Variants in TAX1BP3 observed in about 807,000 individuals in gnomAD.
TAX1BP3 encodes the protein Tax1 binding protein 3.
TAX1BP3 carries 13 observed loss-of-function variants against 15.3 expected under a neutral mutation model. That is an observed-to-expected ratio of 0.85 (90% confidence interval 0.55 to 1.35). The LOEUF (loss-of-function observed/expected upper bound fraction) is 1.35, where lower values mean the gene tolerates loss of function less well. Ranked by LOEUF, TAX1BP3 falls within the 40% of genes most tolerant of loss-of-function variation. The probability of loss-of-function intolerance (pLI) is 0.00; values close to 1 mark genes in which losing one functional copy is unlikely to be tolerated. For synonymous variants in TAX1BP3, 70 were observed against 66.0 expected, an observed-to-expected ratio of 1.06 and a Z score of -0.30; for missense variants, 147 against 169.6, an observed-to-expected ratio of 0.87 and a Z score of 0.74.
chr17:3,664,095 G>A, intron 3 of TAX1BP3, 100 bp downstream of exon 3: 3 of 1,527,404 alleles, frequency 2.0e-6, no homozygotes, highest in Middle Eastern at 1.7e-4. Flanking sequence ...TGGCTGCAGT[G>A]AGTCTCTCCC....
Position 3,668,481 on chromosome 17 carries a change from C to T in TAX1BP3, c.39+7G>A. On this transcript the variant is annotated splice_region_variant and intron_variant, in intron 1 of 3. Transcript: ENST00000225525. This position sits in a 1 kb window ranked among gnomAD's most constrained non-coding sequence, Gnocchi z 4.1. ...AGACGAGGAGGAGCCCGCGCAAGCGCACTCACCACCACGGCGGTGACCGGC... is the reference window on the plus strand; with the variant it reads ...AGACGAGGAGGAGCCCGCGCAAGCGTACTCACCACCACGGCGGTGACCGGC... 1.2e-6 allele frequency: 2 copies of T among 1,608,980 alleles called. 1 individual carries two copies. The highest frequency in any genetic ancestry group is 2.7e-5 in the African/African-American group (2 of 74,424).
chr17:3,667,744 G>A (rs1370488428), intron 1 of TAX1BP3, among the ~76,000 whole-genome samples: 1 of 152,160 alleles, frequency 6.6e-6, no homozygotes, highest in Non-Finnish European at 1.5e-5. Context: ...CTGTGACACC[G>A]GCGTCTGAGT....
At chr17:3,665,196 G>A (rs1192606138) in intron 1 of TAX1BP3, 44 of 1,061,354 alleles carry the variant, frequency 4.1e-5, no homozygotes, top group South Asian at 3.5e-4. Flanking sequence ...GGCCGGAACC[G>A]CCATCTTCCA....
rs1351677848 is a variant in TAX1BP3, at chr17:3,668,478, G to A, written c.39+10C>T. 1 of 1,608,530 alleles carries A rather than the reference G, an allele frequency of 6.2e-7. No individual in the cohort carries two copies. Among genetic ancestry groups the A allele is most frequent in the South Asian group, 1.1e-5 (1 of 90,282 alleles). On this transcript the variant is annotated intron_variant, in intron 1 of 3. Coordinates refer to ENST00000225525, the MANE Select transcript of TAX1BP3 (RefSeq NM_014604.4). The surrounding 1 kb of genome is among the most constrained non-coding windows in gnomAD (Gnocchi z 4.1). ...CCAAGACGAGGAGGAGCCCGCGCAA[G>A]CGCACTCACCACCACGGCGGTGACC... is the stretch of plus-strand genomic sequence containing the variant.
intron 1 of TAX1BP3, among the ~76,000 whole-genome samples, chr17:3,667,066 G>A (rs527783081): frequency 2.3e-4 from 35 of 152,252 alleles, no homozygotes; most frequent in Non-Finnish European, 3.2e-4. Context: ...AGGCTGGGCC[G>A]GGTGTGGTGC....
At chr17:3,667,232 A>G (rs2076350058) in intron 1 of TAX1BP3, among the ~76,000 whole-genome samples, 1 of 151,438 alleles carries the variant, frequency 6.6e-6, no homozygotes, top group Non-Finnish European at 1.5e-5. Context: ...AATCCCAGCT[A>G]CTCGGGAGGC....
chr17:3,664,524 G>T, intron 2 of TAX1BP3, 155 bp downstream of exon 2: 1 of 1,153,334 alleles, frequency 8.7e-7, no homozygotes, highest in Non-Finnish European at 1.3e-6. Context: ...CACCCCACCC[G>T]TCCTTATTCT....
At position 3,663,704 on chromosome 17, in the gene TAX1BP3, TGTACA is replaced by T; in HGVS notation, c.*39_*43del. 1 of 1,577,680 alleles carries T rather than the reference TGTACA, an allele frequency of 6.3e-7. No individual in the cohort carries two copies. The highest frequency in any genetic ancestry group is 8.6e-7 in the Non-Finnish European group (1 of 1,163,446). On this transcript the variant is annotated 3_prime_UTR_variant, in exon 4 of 4. Transcript: ENST00000225525. ...GGACAGAGTGTGGAAGTGGCGTTAC[TGTACA>T]GAGAGGCGGCAGGCAGGAGTCGCAG...
chr17:3,666,276 C>T (rs2976217), intron 1 of TAX1BP3, among the ~76,000 whole-genome samples: 135,828 of 152,276 alleles, frequency 0.89, 60,853 homozygotes, highest in African/African-American at 0.95. Context: ...TTCTCAGGAA[C>T]GGAGTAGGGT....
Position 3,663,810 on chromosome 17 carries a change from C to T in TAX1BP3, c.313G>A (p.Val105Met). The change falls in exon 4 of 4, where the codon GTG becomes ATG. Residue 105 changes from valine to methionine, a missense_variant. Physicochemically the swap from Val to Met is conservative, Grantham distance 21. Transcript: ENST00000225525. Reference protein sequence around the residue: ...KRLTKRSEEVVRLLVTRQSLQ... With the variant: ...KRLTKRSEEVMRLLVTRQSLQ... ...GACTGCCGCGTCACCAGCAGACGCA[C>T]CACCTCCTCCGAGCGCTTGGTGAGC... 1 of 1,609,222 alleles carries T rather than the reference C, an allele frequency of 6.2e-7. No homozygotes were observed. Among genetic ancestry groups the T allele is most frequent in the East Asian group, 2.2e-5 (1 of 44,874 alleles).
chr17:3,667,438 T>G (rs923361786), intron 1 of TAX1BP3, among the ~76,000 whole-genome samples: 1 of 151,544 alleles, frequency 6.6e-6, no homozygotes, highest in African/African-American at 2.4e-5. Context: ...GGCCCAGGCC[T>G]GAGCCAGTGC....
chr17:3,668,429 C>T lies in TAX1BP3; in HGVS notation c.39+59G>A, dbSNP rs2076365470. On this transcript the variant is annotated intron_variant, in intron 1 of 3. Coordinates refer to ENST00000225525, the MANE Select transcript of TAX1BP3 (RefSeq NM_014604.4). The surrounding 1 kb of genome is among the most constrained non-coding windows in gnomAD (Gnocchi z 4.1). ...GTCAACCTGCTTGGGGTGTCCGTTT[C>T]CCGCTCTGCGAGGTGGGGTCAGGCC... 1.3e-6 allele frequency: 2 copies of T among 1,586,688 alleles called. No homozygotes were observed. Among genetic ancestry groups the T allele is most frequent in the African/African-American group, 1.4e-5 (1 of 73,238 alleles).
At position 3,668,471 on chromosome 17, in the gene TAX1BP3, C is replaced by T. The variant is rs200757707; in HGVS notation, c.39+17G>A. On this transcript the variant is annotated intron_variant, in intron 1 of 3. Transcript: ENST00000225525. This position sits in a 1 kb window ranked among gnomAD's most constrained non-coding sequence, Gnocchi z 4.1. ...GGTCAGGCCAAGACGAGGAGGAGCC[C>T]GCGCAAGCGCACTCACCACCACGGC... 1 of 1,607,570 alleles carries T rather than the reference C, an allele frequency of 6.2e-7. No individual in the cohort carries two copies. Among genetic ancestry groups the T allele is most frequent in the South Asian group, 1.1e-5 (1 of 90,164 alleles).
chr17:3,667,340 CAAAAAAAAAAA>C (rs761986087), intron 1 of TAX1BP3, among the ~76,000 whole-genome samples: 3 of 61,164 alleles, frequency 4.9e-5, no homozygotes, highest in Non-Finnish European at 1.0e-4. Flanking sequence ...AAGACTGTCT[CAAAAAAAAAAA>C]AAAAAAAAAA....
At chr17:3,665,101 T>C in intron 1 of TAX1BP3, 1 of 706,528 alleles carries the variant, frequency 1.4e-6, no homozygotes, top group Non-Finnish European at 2.5e-6. Flanking sequence ...GTGGCTTCTG[T>C]AGGTGGGAAG....
chr17:3,664,347 G>T, intron 2 of TAX1BP3, 75 bp from the exon 3 acceptor site: 2 of 1,550,610 alleles, frequency 1.3e-6, no homozygotes, highest in Non-Finnish European at 1.8e-6. Flanking sequence ...AGCCAGCATG[G>T]CACATTCTCA....
At chr17:3,665,165 G>A in intron 1 of TAX1BP3, 1 of 858,964 alleles carries the variant, frequency 1.2e-6, no homozygotes, top group Non-Finnish European at 2.0e-6. Context: ...GCATAGAAAG[G>A]AGAGGAAGGG....
In TAX1BP3 at chr17:3,662,928, C is replaced by T. The variant is rs563211649; in HGVS notation, c.*820G>A. On this transcript the variant is annotated 3_prime_UTR_variant, in exon 4 of 4. Coordinates refer to ENST00000225525, the MANE Select transcript of TAX1BP3 (RefSeq NM_014604.4). ...AGCATTTTTATTGAGCGCACCACAT[C>T]GGGGAGGGGCGGCAGTGGTTTCCAC... 2.0e-5 allele frequency: 3 copies of T among 152,186 alleles called. No individual in the cohort carries two copies. The highest frequency in any genetic ancestry group is 1.9e-4 in the East Asian group (1 of 5,196). The allele number at this position is 152,186 out of a possible 1,614,324, so 9.4% of individuals were successfully genotyped here.
At position 3,664,190 on chromosome 17, in the gene TAX1BP3, G is replaced by T; in HGVS notation, c.237+5C>A. 1 of 1,614,126 alleles carries T rather than the reference G, an allele frequency of 6.2e-7. No individual in the cohort carries two copies. The highest frequency in any genetic ancestry group is 8.5e-7 in the Non-Finnish European group (1 of 1,180,034). On this transcript the variant is annotated splice_donor_5th_base_variant and intron_variant, in intron 3 of 3. Transcript: ENST00000225525. ...TTGTTTCTCCTCCTTTGGGACACCTGTTACCTGCATGATCTTGTCTCCAAT... is the reference window on the plus strand; with the variant it reads ...TTGTTTCTCCTCCTTTGGGACACCTTTTACCTGCATGATCTTGTCTCCAAT...
Sources: gnomAD v4.1 joint callset for allele counts (sites outside exome capture counted in the v4.1 genomes callset) on GRCh38, gnomAD v4.1.1 for gene constraint, Gnocchi (gnomAD v3.1) non-coding constraint, MANE v1.5 for transcripts, NCBI Gene and HGNC (gene_info 2026-07-23, HGNC 2026-07-21) for gene names.